The following OGG1 variants were observed in gnomAD, a reference collection of about 807,000 sequenced individuals.
OGG1 encodes the protein N-glycosylase/DNA lyase.
Under a neutral mutation model 42.3 loss-of-function variants are expected in OGG1, and 35 were observed. That is an observed-to-expected ratio of 0.83 (90% CI 0.63 to 1.10). OGG1 has a LOEUF of 1.10. OGG1 is among the 50% of genes least tolerant of loss of function. The pLI is 0.00. For synonymous variants in OGG1, 189 were observed against 179.0 expected, an observed-to-expected ratio of 1.06 and a Z score of -0.44; for missense variants, 484 against 446.7, an observed-to-expected ratio of 1.08 and a Z score of -0.75.
At chr3:9,751,593 G>T (rs2077303268) in intron 2 of OGG1, among the ~76,000 whole-genome samples, 177 bp from the exon 3 acceptor site, 1 of 152,132 alleles carries the variant, frequency 6.6e-6, no homozygotes, top group African/African-American at 2.4e-5. Context: ...TGGTAACTCA[G>T]CCCTCACAAG....
intron 2 of OGG1, among the ~76,000 whole-genome samples, chr3:9,772,003 G>A (rs919247453): frequency 6.6e-6 from 1 of 151,764 alleles, no homozygotes; most frequent in African/African-American, 2.4e-5. Context: ...TTTTAGTAGA[G>A]ATGGGGGTTT....
chr3:9,770,365 A>G (rs2078274644), downstream of OGG1, among the ~76,000 whole-genome samples: 1 of 152,040 alleles, frequency 6.6e-6, no homozygotes, highest in African/African-American at 2.4e-5. Flanking sequence ...AGGCCCTGGA[A>G]CTGCACGGGA....
At chr3:9,765,429 A>G (rs2078109074) in intron 7 of OGG1, among the ~76,000 whole-genome samples, 1 of 151,976 alleles carries the variant, frequency 6.6e-6, no homozygotes, top group Non-Finnish European at 1.5e-5. Flanking sequence ...ATGTGAGGGG[A>G]ACTTGAGGTA....
exon 8 of OGG1, chr3:9,766,611 C>G: frequency 9.6e-7 from 1 of 1,041,098 alleles, no homozygotes; most frequent in Non-Finnish European, 1.2e-6. Context: ...TGTTTTAGAA[C>G]AGGTTCTTAA....
Position 9,787,523 on chromosome 3 carries a change from G to C in OGG1, c.383-205G>C, listed in dbSNP as rs2078644386. The C allele has an allele frequency of 4.9e-6, 5 of 1,015,334 alleles. No homozygotes were observed. In the South Asian group the frequency reaches 8.6e-5, roughly 17 times the overall value. 62.9% of individuals were successfully genotyped at this position (1,015,334 alleles called of 1,614,324 possible). On this transcript the variant is annotated intron_variant, in intron 3 of 3. Coordinates refer to the OGG1 transcript ENST00000426518. ...CTGTACTTCACACTCTAGTAAGGGA[G>C]ACAGGTCCAAAAAGAACTAAGACAC... is the stretch of plus-strand genomic sequence containing the variant.
rs1475869552 is a variant in OGG1, at chr3:9,779,198, T to C, written c.295-2315T>C. 3.3e-5 allele frequency among the ~76,000 whole-genome samples: 5 copies of C among 152,302 alleles called. No homozygotes were observed. The East Asian group carries it at 9.6e-4, about 29-fold the overall frequency. The stretch of plus-strand genomic sequence containing the variant: ...TGGGTTTTACTCTCTCTCCACCACC[T>C]TGATGGAGTAGCAAACTCCACTCTG... On this transcript the variant is annotated intron_variant, in intron 2 of 3. Coordinates refer to the OGG1 transcript ENST00000426518.
At chr3:9,756,395 G>A (rs562013931) in intron 4 of OGG1, 76 bp from the exon 5 acceptor site, 97 of 1,484,492 alleles carry the variant, frequency 6.5e-5, no homozygotes, top group Admixed American at 1.2e-4. Flanking sequence ...GAAAGCAGCC[G>A]GCTTTGGGGC....
chr3:9,783,444 C>T (rs1268711477), intron 3 of OGG1: 1 of 151,898 alleles, frequency 6.6e-6, no homozygotes, highest in African/African-American at 2.4e-5. Flanking sequence ...CTCAGCCTCC[C>T]ATGGAGATAC....
intron 5 of OGG1, 36 bp from the exon 6 acceptor site, chr3:9,756,731 G>A: frequency 6.2e-7 from 1 of 1,614,114 alleles, no homozygotes; most frequent in African/African-American, 1.3e-5. Context: ...GTCACAGAAG[G>A]GGTCAGATAA....
intron 2 of OGG1, chr3:9,780,317 T>TCCC: frequency 6.4e-7 from 1 of 1,562,148 alleles, no homozygotes; most frequent in Non-Finnish European, 8.7e-7. Flanking sequence ...TCCCTTCCCC[T>TCCC]CCCCTAGGCC....
downstream of OGG1, chr3:9,766,778 T>C (rs1453174153): frequency 1.0e-5 from 3 of 289,322 alleles, no homozygotes; most frequent in Non-Finnish European, 1.7e-5. Context: ...CAGGGATAAT[T>C]AGTTACTGTA....
At chr3:9,783,929 C>A in intron 3 of OGG1, 3 of 1,441,190 alleles carry the variant, frequency 2.1e-6, no homozygotes, top group Non-Finnish European at 2.7e-6. Flanking sequence ...AGAGGCCAGC[C>A]AGGATTGGAA....
At chr3:9,773,228 C>CAA (rs76519627) in intron 2 of OGG1, among the ~76,000 whole-genome samples, 192 of 94,744 alleles carry the variant, frequency 2.0e-3, no homozygotes, top group African/African-American at 6.5e-3. Context: ...GACTACATCT[C>CAA]AAAAAAAAAA....
intron 3 of OGG1, chr3:9,781,623 C>T (rs1243354973): frequency 6.6e-6 from 3 of 454,868 alleles, no homozygotes; most frequent in African/African-American, 2.0e-5. Context: ...CCAGATCAAT[C>T]TCTCTGAACA....
At chr3:9,761,323 A>C, downstream of OGG1, 2 of 828,714 alleles carry the variant, frequency 2.4e-6, no homozygotes, top group Non-Finnish European at 3.8e-6. Context: ...GAATGAAGTA[A>C]TACTGGTAAT....
chr3:9,789,332 G>A (rs577714489), downstream of OGG1, among the ~76,000 whole-genome samples: 8 of 152,248 alleles, frequency 5.3e-5, no homozygotes, highest in African/African-American at 1.9e-4. Flanking sequence ...TAGAGGGGAG[G>A]CAGTGCACGG....
At chr3:9,764,898 T>G (rs1009323593) in intron 7 of OGG1, among the ~76,000 whole-genome samples, 1 of 152,140 alleles carries the variant, frequency 6.6e-6, no homozygotes, top group South Asian at 2.1e-4. Context: ...ACTTGCCATG[T>G]GACTGTATAC....
At chr3:9,767,653 T>C, downstream of OGG1, 1 of 1,613,808 alleles carries the variant, frequency 6.2e-7, no homozygotes, top group South Asian at 1.1e-5. Context: ...CACCCAATCC[T>C]GCCCTGGACT....
chr3:9,780,337 G>C (rs1303480280), intron 2 of OGG1: 2 of 1,600,402 alleles, frequency 1.2e-6, no homozygotes, highest in South Asian at 2.2e-5. Context: ...CAGATAATCA[G>C]CCTGAGGCAG....
Sources: allele counts gnomAD v4.1 joint callset (sites outside exome capture counted in the v4.1 genomes callset), GRCh38; gene constraint gnomAD v4.1.1; transcripts MANE v1.5; gene names NCBI Gene and HGNC (gene_info 2026-07-23, HGNC 2026-07-21).